ROBO2: variants seen among roughly 807,000 people sequenced by gnomAD.
ROBO2 encodes the protein roundabout homolog 2.
In ROBO2, 53 loss-of-function variants were observed where a neutral mutation model predicts 160.8. The observed-to-expected ratio is 0.33, with a 90% CI of 0.26 to 0.41. The LOEUF is 0.41. ROBO2 is among the 10% of genes least tolerant of loss of function. The pLI is 1.00. For synonymous variants in ROBO2, 664 were observed against 611.7 expected (o/e 1.09, Z -1.26); for missense variants, 1,577 against 1,722.4 (o/e 0.92, Z 1.49).
intron 2 of ROBO2, among the ~76,000 whole-genome samples, chr3:76,425,110 C>G (rs1461744648): frequency 1.3e-5 from 2 of 152,138 alleles, no homozygotes; most frequent in Admixed American, 1.3e-4. Flanking sequence ...ACATGGAACT[C>G]CTTTTTAGTA....
intron 2 of ROBO2, among the ~76,000 whole-genome samples, chr3:76,929,726 A>G (rs1405509105): frequency 6.6e-6 from 1 of 151,578 alleles, no homozygotes; most frequent in East Asian, 1.9e-4. Context: ...AGTGTCTGTG[A>G]ATCTCAGGGA....
chr3:76,787,658 C>G (rs530879381), intron 2 of ROBO2, among the ~76,000 whole-genome samples: 4 of 151,524 alleles, frequency 2.6e-5, no homozygotes, highest in African/African-American at 9.7e-5. Flanking sequence ...ACATTTCACT[C>G]TCTTGGAAGT....
At chr3:77,382,935 C>G (rs2073697305) in intron 2 of ROBO2, among the ~76,000 whole-genome samples, 2 of 152,124 alleles carry the variant, frequency 1.3e-5, no homozygotes, top group South Asian at 4.1e-4. Context: ...TAGTTGCCAA[C>G]ATGCCAACAA....
chr3:76,444,199 C>G (rs1279759045), intron 2 of ROBO2, among the ~76,000 whole-genome samples: 1 of 152,032 alleles, frequency 6.6e-6, no homozygotes, highest in African/African-American at 2.4e-5. Flanking sequence ...AGGCTGGTCT[C>G]AAGCTCATGA....
rs555054867 is a variant in ROBO2 at position 77,400,918 on chromosome 3, C to T, written c.389-76496C>T. On this transcript the variant is annotated intron_variant, in intron 2 of 25. Coordinates refer to ENST00000461745, the Ensembl canonical transcript of ROBO2. ...AAAATTGATCTTGTTAATCCTATTC[C>T]TTATTCTGTTCGAAGTCAGTTTTAA... 4.6e-5 allele frequency among the ~76,000 whole-genome samples: 7 copies of T among 152,176 alleles called. No individual in the cohort carries two copies. In the South Asian group the frequency reaches 1.5e-3, roughly 32 times the overall value.
chr3:76,475,710 G>A (rs977307170), intron 2 of ROBO2, among the ~76,000 whole-genome samples: 2 of 152,128 alleles, frequency 1.3e-5, no homozygotes, highest in African/African-American at 4.8e-5. Flanking sequence ...AAGAAGACGT[G>A]AAGTAACCTA....
At chr3:75,978,095 C>A (rs760150929) in intron 2 of ROBO2, among the ~76,000 whole-genome samples, 2 of 151,354 alleles carry the variant, frequency 1.3e-5, no homozygotes, top group Non-Finnish European at 3.0e-5. Flanking sequence ...AAAAAATCAG[C>A]GATAGTAGTT....
chr3:76,466,629 A>G (rs907785372), intron 2 of ROBO2, among the ~76,000 whole-genome samples: 1 of 152,028 alleles, frequency 6.6e-6, no homozygotes, highest in Non-Finnish European at 1.5e-5. Context: ...ATAAGCTTCT[A>G]GAGACTATTT....
chr3:76,382,410 A>C (rs371844651), intron 2 of ROBO2, among the ~76,000 whole-genome samples: 26 of 152,148 alleles, frequency 1.7e-4, no homozygotes, highest in African/African-American at 5.8e-4. Context: ...AACACGGTGG[A>C]ACCCCGTCTC....
chr3:76,079,177 T>C (rs988985405), intron 2 of ROBO2, among the ~76,000 whole-genome samples: 1 of 152,184 alleles, frequency 6.6e-6, no homozygotes, highest in African/African-American at 2.4e-5. Context: ...TTAAGAGGGA[T>C]TGGTTAATGA....
chr3:76,556,065 A>T (rs1401126276), intron 2 of ROBO2, among the ~76,000 whole-genome samples: 1 of 152,104 alleles, frequency 6.6e-6, no homozygotes, highest in African/African-American at 2.4e-5. Flanking sequence ...ATGCCATCGC[A>T]CTCCAGGCTG....
intron 3 of ROBO2, among the ~76,000 whole-genome samples, chr3:77,479,977 A>G (rs1241428732): frequency 1.3e-5 from 2 of 152,170 alleles, no homozygotes; most frequent in Non-Finnish European, 2.9e-5. Context: ...CCATTGGTCA[A>G]ATCAAGTCAT....
intron 16 of ROBO2, among the ~76,000 whole-genome samples, chr3:77,583,982 T>C (rs1206186672): frequency 6.6e-6 from 1 of 152,166 alleles, no homozygotes; most frequent in East Asian, 1.9e-4. Context: ...GTTTATCTGG[T>C]CTTCCTAACA....
intron 2 of ROBO2, among the ~76,000 whole-genome samples, chr3:76,861,736 A>T (rs2070802069): frequency 6.6e-6 from 1 of 152,154 alleles, no homozygotes. Context: ...ATCTAACATC[A>T]ATAGCTTTCC....
At chr3:77,584,910 G>GTA (rs951897345) in intron 16 of ROBO2, among the ~76,000 whole-genome samples, 4 of 146,754 alleles carry the variant, frequency 2.7e-5, no homozygotes, top group African/African-American at 1.0e-4. Flanking sequence ...GTGTGTGTGT[G>GTA]TATACACACA....
chr3:76,992,325 C>CTATATATATATATATA (rs10530833), intron 2 of ROBO2, among the ~76,000 whole-genome samples: 1 of 46,890 alleles, frequency 2.1e-5, no homozygotes, highest in Non-Finnish European at 3.8e-5. Flanking sequence ...CCATGTATTA[C>CTATATATATATATATA]TATATATATA....
In ROBO2 at chr3:77,207,372, C is replaced by T. The variant is rs544959178; in HGVS notation, c.388+109032C>T. ...GGACAGTCACATTTTTCATAGTAAG[C>T]GTCAATTTAAACTAACTCTTCTATA... On this transcript the variant is annotated intron_variant, in intron 2 of 25. Coordinates refer to ENST00000461745, the Ensembl canonical transcript of ROBO2. Among the ~76,000 whole-genome samples, 10 of 152,140 alleles carry T rather than the reference C, an allele frequency of 6.6e-5. No individual in the cohort carries two copies. In the East Asian group the frequency reaches 7.7e-4, roughly 12 times the overall value.
At chr3:77,601,268 G>T (rs911530886) in intron 19 of ROBO2, among the ~76,000 whole-genome samples, 5 of 152,062 alleles carry the variant, frequency 3.3e-5, no homozygotes, top group African/African-American at 4.8e-5. Flanking sequence ...TCAGAAGATA[G>T]CTTATTTTAA....
chr3:77,367,369 G>A (rs757441002), intron 2 of ROBO2, among the ~76,000 whole-genome samples: 6 of 151,910 alleles, frequency 3.9e-5, no homozygotes, highest in East Asian at 1.9e-4. Context: ...CTTGGAGTAC[G>A]GCATTCCTTC....
Sources: gnomAD v4.1 joint callset for allele counts (sites outside exome capture counted in the v4.1 genomes callset) on GRCh38, gnomAD v4.1.1 for gene constraint, MANE v1.5 for transcripts, NCBI Gene and HGNC (gene_info 2026-07-23, HGNC 2026-07-21) for gene names.